ULK4: variants seen among roughly 807,000 people sequenced by gnomAD.
ULK4 encodes the protein unc-51 like kinase 4, also known as inactive serine/threonine-protein kinase ULK4.
Under a neutral mutation model 160.6 loss-of-function variants are expected in ULK4, and 133 were observed. The observed-to-expected ratio is 0.83, with a 90% CI of 0.72 to 0.96. ULK4 has a LOEUF of 0.96. Ranked by LOEUF, ULK4 falls within the 40% of genes least tolerant of loss-of-function variation. ULK4 has a pLI of 0.00. For missense variants in ULK4, 1,580 were observed against 1,499.5 expected (o/e 1.05, Z -0.89); for synonymous variants, 534 against 539.8 (o/e 0.99, Z 0.15).
intron 30 of ULK4, among the ~76,000 whole-genome samples, chr3:41,646,954 C>T (rs2034523633): frequency 6.6e-6 from 1 of 152,188 alleles, no homozygotes; most frequent in South Asian, 2.1e-4. Flanking sequence ...CATCTTCCAT[C>T]ACTGATACCC....
chr3:41,399,277 G>C (rs1159626419), intron 34 of ULK4, among the ~76,000 whole-genome samples: 2 of 152,132 alleles, frequency 1.3e-5, no homozygotes, highest in African/African-American at 2.4e-5. Flanking sequence ...CTTTTCATGT[G>C]CTGATTGGCC....
At chr3:41,895,604 A>G (rs1698124798) in intron 15 of ULK4, 40 bp from the exon 16 acceptor site, 1 of 1,328,342 alleles carries the variant, frequency 7.5e-7, no homozygotes, top group African/African-American at 1.5e-5. Flanking sequence ...AGAAAAAATT[A>G]AAATGTTTAA....
chr3:41,375,311 G>C (rs994696195), intron 35 of ULK4, among the ~76,000 whole-genome samples: 1 of 152,028 alleles, frequency 6.6e-6, no homozygotes, highest in African/African-American at 2.4e-5. Context: ...CCAAAAAAGA[G>C]TCTGTATAGC....
At chr3:41,624,931 ACTTT>A (rs2033428716) in intron 30 of ULK4, among the ~76,000 whole-genome samples, 1 of 152,240 alleles carries the variant, frequency 6.6e-6, no homozygotes, top group South Asian at 2.1e-4. Flanking sequence ...ATCAAGGTGG[ACTTT>A]CTAAGTGCTT....
intron 2 of ULK4, among the ~76,000 whole-genome samples, chr3:41,946,418 T>C (rs1700112685): frequency 1.3e-5 from 2 of 152,160 alleles, no homozygotes; most frequent in Non-Finnish European, 2.9e-5. Flanking sequence ...GGAGGCACTT[T>C]CTGGAGGAAT....
At chr3:41,287,433 T>C (rs914038441) in intron 35 of ULK4, among the ~76,000 whole-genome samples, 15 of 152,208 alleles carry the variant, frequency 9.9e-5, no homozygotes, top group Admixed American at 9.2e-4. Context: ...CCCTGGGGTA[T>C]GGATTCGTCT....
chr3:41,644,472 T>C (rs2034384978), intron 30 of ULK4, among the ~76,000 whole-genome samples: 1 of 152,364 alleles, frequency 6.6e-6, no homozygotes, highest in Admixed American at 6.5e-5. Context: ...TCTCTTTGGT[T>C]CTGTTTATAT....
chr3:41,351,856 C>G (rs1055210853), intron 35 of ULK4, among the ~76,000 whole-genome samples: 5 of 152,232 alleles, frequency 3.3e-5, no homozygotes, highest in African/African-American at 1.2e-4. Flanking sequence ...GACCTTCCCC[C>G]TGTCTAGGTC....
Position 41,559,053 on chromosome 3 carries a change from T to G in ULK4, c.3226+6972A>C, listed in dbSNP as rs1323618364. ...ACCCCCACCCCACAACAGGCCCCGGTGTATCATGTTCCCCTTCCTGTGTCC... is the reference window on the plus strand; with the variant it reads ...ACCCCCACCCCACAACAGGCCCCGGGGTATCATGTTCCCCTTCCTGTGTCC... On this transcript the variant is annotated intron_variant, in intron 32 of 36. Transcript: ENST00000301831. Among the ~76,000 whole-genome samples the G allele has an allele frequency of 4.9e-4, 62 of 126,726 alleles. 1 individual carries two copies. The highest frequency in any genetic ancestry group is 1.5e-3 in the African/African-American group (51 of 34,110). The allele number at this position is 126,726 out of a possible 152,430, so 83.1% of individuals were successfully genotyped here.
intron 35 of ULK4, among the ~76,000 whole-genome samples, chr3:41,264,290 G>A (rs1474871542): frequency 6.6e-6 from 1 of 152,224 alleles, no homozygotes. Context: ...AACAGGATGA[G>A]GCACAACATC....
intron 19 of ULK4, among the ~76,000 whole-genome samples, chr3:41,805,829 G>A (rs1301507618): frequency 7.2e-6 from 1 of 139,692 alleles, no homozygotes; most frequent in Non-Finnish European, 1.6e-5. Flanking sequence ...TCCCAGGGAT[G>A]AAGCCCACTT....
At chr3:41,624,645 A>T (rs771376073) in intron 30 of ULK4, among the ~76,000 whole-genome samples, 1 of 152,184 alleles carries the variant, frequency 6.6e-6, no homozygotes, top group African/African-American at 2.4e-5. Flanking sequence ...CTCTAAACAT[A>T]ATTTAGAGCT....
rs1193217517 is a variant in ULK4, at chr3:41,549,727, CTCTAAGGCACATTA to C, written c.3226+16284_3226+16297del. ...ATCAGATACAACCCAAAAAGGTCTT[CTCTAAGGCACATTA>C]TAGTCAAACCGTCAAAAGTCAAAGA... On this transcript the variant is annotated intron_variant, in intron 32 of 36. Transcript: ENST00000301831. 2.6e-5 allele frequency among the ~76,000 whole-genome samples: 4 copies of C among 152,036 alleles called. No individual in the cohort carries two copies. In the East Asian group the frequency reaches 7.7e-4, roughly 29 times the overall value.
At chr3:41,768,035 C>G (rs959853313) in intron 21 of ULK4, among the ~76,000 whole-genome samples, 1 of 152,160 alleles carries the variant, frequency 6.6e-6, no homozygotes, top group East Asian at 1.9e-4. Context: ...TCTGTCAGAT[C>G]AGTGGAGCCA....
At chr3:41,792,127 A>G (rs2040167759) in intron 20 of ULK4, among the ~76,000 whole-genome samples, 1 of 152,176 alleles carries the variant, frequency 6.6e-6, no homozygotes, top group African/African-American at 2.4e-5. Context: ...TCCAAATTGC[A>G]TGAGTTTTGG....
At chr3:41,368,563 T>C (rs1412968120) in intron 35 of ULK4, among the ~76,000 whole-genome samples, 1 of 152,224 alleles carries the variant, frequency 6.6e-6, no homozygotes, top group Non-Finnish European at 1.5e-5. Flanking sequence ...ACAATCTTTC[T>C]GTAGATTTGT....
At chr3:41,926,780 C>T (rs13324264) in intron 5 of ULK4, among the ~76,000 whole-genome samples, 2 of 151,662 alleles carry the variant, frequency 1.3e-5, no homozygotes, top group Non-Finnish European at 2.9e-5. Context: ...TGAAATAAAG[C>T]GAAAAGACAA....
At chr3:41,488,284 C>T (rs1317130681) in intron 32 of ULK4, among the ~76,000 whole-genome samples, 1 of 152,176 alleles carries the variant, frequency 6.6e-6, no homozygotes, top group African/African-American at 2.4e-5. Context: ...ATTACCTCAT[C>T]CTCTACAACC....
intron 35 of ULK4, among the ~76,000 whole-genome samples, chr3:41,345,831 T>G (rs1183798859): frequency 6.6e-6 from 1 of 152,094 alleles, no homozygotes; most frequent in South Asian, 2.1e-4. Context: ...AACAAAGTCA[T>G]GAATGCTACA....
Sources: allele counts gnomAD v4.1 joint callset (sites outside exome capture counted in the v4.1 genomes callset), GRCh38; gene constraint gnomAD v4.1.1; transcripts MANE v1.5; gene names NCBI Gene and HGNC (gene_info 2026-07-23, HGNC 2026-07-21).